RNF126: variants seen among roughly 807,000 people sequenced by gnomAD.
RNF126 encodes the protein E3 ubiquitin-protein ligase RNF126.
In RNF126, 20 loss-of-function variants were observed where a neutral mutation model predicts 41.9. The observed-to-expected ratio is 0.48, with a 90% CI of 0.34 to 0.69. RNF126 has a LOEUF of 0.69. RNF126 is among the 30% of genes least tolerant of loss of function. The pLI is 0.01. For synonymous variants in RNF126, 239 were observed against 202.9 expected (o/e 1.18, Z -1.51); for missense variants, 433 against 460.6 (o/e 0.94, Z 0.55).
intron 4 of RNF126, 175 bp downstream of exon 4, chr19:651,436 G>A (rs1409951061): frequency 5.4e-6 from 3 of 551,006 alleles, no homozygotes; most frequent in Non-Finnish European, 8.6e-6. Context: ...GCATACTTCT[G>A]TCTCCGAAGG....
At chr19:650,584 CTTT>C (rs34495183) in intron 4 of RNF126, 55 of 72,288 alleles carry the variant, frequency 7.6e-4, no homozygotes, top group South Asian at 3.7e-3. Context: ...CTCTCGGCTA[CTTT>C]TTTTTTTTTT....
rs373244930 is a variant in RNF126 at position 652,275 on chromosome 19, G to A, written c.156C>T (p.Ala52=). 88 of 1,559,058 alleles carry A rather than the reference G, an allele frequency of 5.6e-5. 1 individual carries two copies. The East Asian group carries it at 1.4e-3, about 24-fold the overall frequency. The change falls in exon 3 of 9, where the codon GCC becomes GCT. Residue 52 remains alanine (A), a synonymous_variant. Transcript: ENST00000292363. Reference sequence around the variant, plus strand: ...TCTGGTCTGTGGGAGCTGTGGAGGGGGCAGAACCATTTTCTGTGCTCCTGG... The same window carrying A: ...TCTGGTCTGTGGGAGCTGTGGAGGGAGCAGAACCATTTTCTGTGCTCCTGG... The part of the protein sequence containing the change: ...EETRSTENGS[A]PSTAPTDQSR...
rs978401294 is a variant in RNF126, at chr19:647,784, G to C, written c.*344C>G. On this transcript the variant is annotated 3_prime_UTR_variant, in exon 9 of 9. Coordinates refer to ENST00000292363, the MANE Select transcript of RNF126 (RefSeq NM_194460.3). ...GGGGAGCCGCTGGGCCCCGTCTTCC[G>C]CCACAAACCATGCATGGCCGCCACG... 1.3e-5 allele frequency: 5 copies of C among 379,542 alleles called. No homozygotes were observed. Among genetic ancestry groups the C allele is most frequent in the African/African-American group, 2.2e-5 (1 of 46,206 alleles). 23.5% of individuals were successfully genotyped at this position (379,542 alleles called of 1,614,324 possible). A position where few individuals can be genotyped will look rare whatever the true frequency, so the allele number is the denominator to read the frequency against.
In RNF126 at chr19:648,885, C is replaced by T. The variant is rs756568943; in HGVS notation, c.667G>A (p.Val223Ile). The T allele has an allele frequency of 3.2e-5, 46 of 1,440,462 alleles. No individual in the cohort carries two copies. The highest frequency in any genetic ancestry group is 4.7e-4 in the Middle Eastern group (2 of 4,228). 89.2% of individuals were successfully genotyped at this position (1,440,462 alleles called of 1,614,324 possible). ...TCGGGAGGCTGAGCTCTCATACCTA[C>T]GTGCTCCTCAGTGACGGGGACGGTG... The part of the protein sequence containing the change: ...LPTVPVTEEH[V>I]GSGLECPVCK... The change falls in exon 7 of 9, where the codon GTA becomes ATA. Residue 223 changes from valine (V) to isoleucine (I), a missense_variant. Physicochemically the swap from Val to Ile is conservative, Grantham distance 29. Coordinates refer to ENST00000292363, the MANE Select transcript of RNF126 (RefSeq NM_194460.3).
chr19:652,138 A>T, intron 3 of RNF126, 95 bp downstream of exon 3: 1 of 1,073,330 alleles, frequency 9.3e-7, no homozygotes, highest in Non-Finnish European at 1.3e-6. Context: ...CCGTGCGGGC[A>T]GGGAGAGCCG....
chr19:658,398 C>T (rs141561227), intron 1 of RNF126, among the ~76,000 whole-genome samples: 1,617 of 152,212 alleles, frequency 0.011, 25 homozygotes, highest in African/African-American at 0.036. Context: ...GACAGTGACT[C>T]GGCCCCTGTG....
At chr19:658,454 G>A (rs1269246290) in intron 1 of RNF126, among the ~76,000 whole-genome samples, 1 of 152,148 alleles carries the variant, frequency 6.6e-6, no homozygotes, top group Non-Finnish European at 1.5e-5. Context: ...AGACCCCAGG[G>A]AGAGTCATGG....
rs1487144758 is a variant in RNF126 at position 659,104 on chromosome 19, A to G, written c.75+3943T>C. On this transcript the variant is annotated intron_variant, in intron 1 of 8. Transcript: ENST00000292363. The surrounding 1 kb of genome is among the most constrained non-coding windows in gnomAD (Gnocchi z 4.9). The stretch of plus-strand genomic sequence containing the variant: ...GAACCCAGCTGTGCAGAGCCGCTCC[A>G]GGGTGCTGGCCGGACGCTTGAGAGG... Among the ~76,000 whole-genome samples the G allele has an allele frequency of 6.6e-6, 1 of 152,190 alleles. No individual in the cohort carries two copies. The highest frequency in any genetic ancestry group is 1.5e-5 in the Non-Finnish European group (1 of 68,012).
intron 2 of RNF126, 119 bp from the exon 3 acceptor site, chr19:652,415 C>T: frequency 1.2e-6 from 1 of 852,746 alleles, no homozygotes; most frequent in Non-Finnish European, 1.8e-6. Context: ...CTGCTTCCCA[C>T]CCGCCACCGC....
intron 1 of RNF126, among the ~76,000 whole-genome samples, chr19:654,515 C>T (rs1259815816): frequency 1.3e-5 from 2 of 149,442 alleles, no homozygotes; most frequent in South Asian, 2.1e-4. Flanking sequence ...TGGTGGCGGG[C>T]GCCTGTAATC....
At chr19:652,613 C>T (rs1459672066) in intron 2 of RNF126, 6 of 612,238 alleles carry the variant, frequency 9.8e-6, no homozygotes, top group Non-Finnish European at 1.7e-5. Context: ...AGCGGCTGCA[C>T]AGGTTGCCGG....
Position 663,025 on chromosome 19 carries a change from GCCGCC to G in RNF126, c.75+17_75+21del. ...GCCTGCGGCGCAGACCCTGCCGCCC[GCCGCC>G]CCGGCCCGGGCCTCACCGGCAGGCG... On this transcript the variant is annotated intron_variant, in intron 1 of 8. Coordinates refer to ENST00000292363, the MANE Select transcript of RNF126 (RefSeq NM_194460.3). 1 of 1,310,482 alleles carries G rather than the reference GCCGCC, an allele frequency of 7.6e-7. No homozygotes were observed. The highest frequency in any genetic ancestry group is 9.8e-7 in the Non-Finnish European group (1 of 1,018,246). The allele number at this position is 1,310,482 out of a possible 1,614,324, so 81.2% of individuals were successfully genotyped here.
At position 648,876 on chromosome 19, in the gene RNF126, T is replaced by G. The variant is rs751070691; in HGVS notation, c.670+6A>C. The G allele has an allele frequency of 9.7e-6, 14 of 1,442,328 alleles. No individual in the cohort carries two copies. The highest frequency in any genetic ancestry group is 2.4e-4 in the Middle Eastern group (1 of 4,196). The allele number at this position is 1,442,328 out of a possible 1,614,324, so 89.3% of individuals were successfully genotyped here. ...TCCCACTACTCGGGAGGCTGAGCTC[T>G]CATACCTACGTGCTCCTCAGTGACG... On this transcript the variant is annotated splice_donor_region_variant and intron_variant, in intron 7 of 8. Transcript: ENST00000292363.
At position 659,700 on chromosome 19, in the gene RNF126, G is replaced by A. The variant is rs1234710377; in HGVS notation, c.75+3347C>T. 2.0e-5 allele frequency among the ~76,000 whole-genome samples: 3 copies of A among 151,556 alleles called. No individual in the cohort carries two copies. Among genetic ancestry groups the A allele is most frequent in the East Asian group, 1.9e-4 (1 of 5,164 alleles). On this transcript the variant is annotated intron_variant, in intron 1 of 8. Coordinates refer to ENST00000292363, the MANE Select transcript of RNF126 (RefSeq NM_194460.3). The surrounding 1 kb of genome is among the most constrained non-coding windows in gnomAD (Gnocchi z 4.9). ...CCAGCTGGCCTGTCTGGTTCCTGCC[G>A]CCACACGCCCCACTCTGGCTGACGC...
chr19:654,154 C>T (rs1368940742), intron 1 of RNF126, among the ~76,000 whole-genome samples: 1 of 152,242 alleles, frequency 6.6e-6, no homozygotes, highest in African/African-American at 2.4e-5. Context: ...CTCACCTGCT[C>T]CTGCCACTGA....
chr19:663,009 G>A lies in RNF126; in HGVS notation c.75+38C>T, dbSNP rs753259863. The A allele has an allele frequency of 8.3e-6, 10 of 1,201,168 alleles. No homozygotes were observed. In the South Asian group the frequency reaches 1.2e-4, roughly 14 times the overall value. The allele number at this position is 1,201,168 out of a possible 1,614,324, so 74.4% of individuals were successfully genotyped here. On this transcript the variant is annotated intron_variant, in intron 1 of 8. Coordinates refer to ENST00000292363, the MANE Select transcript of RNF126 (RefSeq NM_194460.3). ...CCCGGCCTTGCCTCAGGCCTGCGGC[G>A]CAGACCCTGCCGCCCGCCGCCCCGG...
intron 1 of RNF126, among the ~76,000 whole-genome samples, chr19:656,413 G>A (rs1037389187): frequency 1.3e-5 from 2 of 152,096 alleles, no homozygotes; most frequent in African/African-American, 4.8e-5. Context: ...TAGCACTTTG[G>A]GAGGCCAAAG....
In RNF126 at chr19:663,104, C is replaced by G; in HGVS notation, c.18G>C (p.Pro6=). MAEAS[P]HPGRYFCHCC... ...AGTGGCAGAAGTACCGTCCGGGATG[C>G]GGCGACGCCTCGGCCATGGCCGCCG... The change falls in exon 1 of 9, where the codon CCG becomes CCC. Residue 6 remains proline, a synonymous_variant. Coordinates refer to ENST00000292363, the MANE Select transcript of RNF126 (RefSeq NM_194460.3). 7.5e-7 allele frequency: 1 copy of G among 1,337,314 alleles called. No homozygotes were observed. Among genetic ancestry groups the G allele is most frequent in the Non-Finnish European group, 9.6e-7 (1 of 1,037,056 alleles). 82.8% of individuals were successfully genotyped at this position (1,337,314 alleles called of 1,614,324 possible).
intron 1 of RNF126, among the ~76,000 whole-genome samples, chr19:654,643 A>C (rs1321216310): frequency 2.0e-3 from 6 of 2,932 alleles, no homozygotes; most frequent in African/African-American, 0.011. Flanking sequence ...ACTCCGTCTC[A>C]AAAAAAAAAA....
Sources: allele counts gnomAD v4.1 joint callset (sites outside exome capture counted in the v4.1 genomes callset), GRCh38; gene constraint gnomAD v4.1.1; non-coding constraint Gnocchi (gnomAD v3.1); transcripts MANE v1.5; gene names NCBI Gene and HGNC (gene_info 2026-07-23, HGNC 2026-07-21).